NALF1: variants seen among roughly 807,000 people sequenced by gnomAD.
NALF1 encodes the protein NALCN channel auxiliary factor 1.
In NALF1, 3 loss-of-function variants were observed where a neutral mutation model predicts 48.4. The ratio of observed to expected loss-of-function variants is 0.06; its 90% confidence interval spans 0.03 to 0.16. NALF1 has a LOEUF of 0.16. Ranked by LOEUF, NALF1 falls within the 10% of genes least tolerant of loss-of-function variation. The pLI is 1.00. For synonymous variants in NALF1, 262 were observed against 245.7 expected, an observed-to-expected ratio of 1.07 and a Z score of -0.62; for missense variants, 526 against 571.5, an observed-to-expected ratio of 0.92 and a Z score of 0.81.
intron 1 of NALF1, among the ~76,000 whole-genome samples, chr13:107,810,288 C>T (rs2138605845): frequency 6.6e-6 from 1 of 152,170 alleles, no homozygotes; most frequent in East Asian, 1.9e-4. Context: ...TTTTCCTGCC[C>T]TTTTATAATG....
Position 107,412,155 on chromosome 13 carries a change from G to A in NALF1, c.916-201400C>T, listed in dbSNP as rs185475038. On this transcript the variant is annotated intron_variant, in intron 1 of 2. Transcript: ENST00000375915. ...GACACCAGTAGGTCCAAATTTCCAC[G>A]CGCTTAAACAATAGTTTCCCACGTG... Among the ~76,000 whole-genome samples the A allele has an allele frequency of 2.3e-3, 352 of 152,120 alleles. 2 individuals carry two copies. Among genetic ancestry groups the A allele is most frequent in the African/African-American group, 7.9e-3 (326 of 41,492 alleles).
At chr13:107,446,405 TCACACACA>T (rs34962012) in intron 1 of NALF1, among the ~76,000 whole-genome samples, 17 of 146,090 alleles carry the variant, frequency 1.2e-4, no homozygotes, top group Admixed American at 2.7e-4. Flanking sequence ...ATAATTAAAT[TCACACACA>T]CACACACACA....
intron 1 of NALF1, among the ~76,000 whole-genome samples, chr13:107,604,346 T>C (rs1024878397): frequency 1.3e-5 from 2 of 152,188 alleles, no homozygotes; most frequent in Non-Finnish European, 2.9e-5. Context: ...GAATTCAGTC[T>C]TTTTCCCCCT....
At chr13:107,398,720 ATGAC>A (rs1883755159) in intron 1 of NALF1, among the ~76,000 whole-genome samples, 1 of 152,206 alleles carries the variant, frequency 6.6e-6, no homozygotes, top group South Asian at 2.1e-4. Flanking sequence ...ACACAGCACA[ATGAC>A]TGGTAGATAG....
At chr13:107,713,512 T>A (rs954485601) in intron 1 of NALF1, among the ~76,000 whole-genome samples, 2 of 152,236 alleles carry the variant, frequency 1.3e-5, no homozygotes, top group African/African-American at 4.8e-5. Context: ...ACACTGTCAT[T>A]ATCTACATTC....
chr13:107,382,167 T>G (rs1883451903), intron 1 of NALF1, among the ~76,000 whole-genome samples: 1 of 152,242 alleles, frequency 6.6e-6, no homozygotes, highest in Non-Finnish European at 1.5e-5. Flanking sequence ...TTATAACATT[T>G]GCTGCACACA....
chr13:107,511,685 G>A (rs1875895976), intron 1 of NALF1, among the ~76,000 whole-genome samples: 1 of 152,070 alleles, frequency 6.6e-6, no homozygotes, highest in Admixed American at 6.6e-5. Flanking sequence ...AAGGTCTGAT[G>A]CAGCTACTAG....
chr13:107,666,384 T>C (rs1205987477), intron 1 of NALF1, among the ~76,000 whole-genome samples: 7 of 152,262 alleles, frequency 4.6e-5, no homozygotes, highest in Non-Finnish European at 8.8e-5. Context: ...ATCATACTGG[T>C]AAAGCCATGT....
intron 1 of NALF1, among the ~76,000 whole-genome samples, chr13:107,663,860 G>C (rs1390280591): frequency 1.3e-5 from 2 of 151,972 alleles, no homozygotes; most frequent in Admixed American, 1.3e-4. Context: ...CACCACTTCA[G>C]GTACTTTTGC....
chr13:107,693,329 A>AGGGG (rs1483568046), intron 1 of NALF1, among the ~76,000 whole-genome samples: 2 of 67,978 alleles, frequency 2.9e-5, no homozygotes, highest in African/African-American at 1.8e-4. Flanking sequence ...GTCGTAGGGT[A>AGGGG]GGGGGGGCGG....
chr13:107,734,395 T>C (rs1876403044), intron 1 of NALF1, among the ~76,000 whole-genome samples: 1 of 50,728 alleles, frequency 2.0e-5, no homozygotes, highest in Non-Finnish European at 5.6e-5. Context: ...ATGGGTATTT[T>C]TCCTTTAAAA....
chr13:107,498,959 A>C (rs1335092758), intron 1 of NALF1, among the ~76,000 whole-genome samples: 1 of 152,186 alleles, frequency 6.6e-6, no homozygotes, highest in Non-Finnish European at 1.5e-5. Flanking sequence ...TTTAAATGTC[A>C]TTAGGGCTTC....
chr13:107,676,603 TTTAA>T (rs145773865), intron 1 of NALF1, among the ~76,000 whole-genome samples: 72,408 of 145,596 alleles, frequency 0.5, 18,114 homozygotes, highest in Middle Eastern at 0.62. Context: ...ATTAATTTAA[TTTAA>T]TTAATTTAAT....
intron 1 of NALF1, among the ~76,000 whole-genome samples, chr13:107,600,567 G>A (rs1306218389): frequency 1.3e-5 from 2 of 152,048 alleles, no homozygotes; most frequent in African/African-American, 2.4e-5. Context: ...TCCACAAACT[G>A]AGATACTGGC....
intron 2 of NALF1, among the ~76,000 whole-genome samples, chr13:107,206,546 G>A (rs1879647549): frequency 6.6e-6 from 1 of 152,210 alleles, no homozygotes; most frequent in Admixed American, 6.5e-5. Flanking sequence ...TTTAGTAAGT[G>A]TGACCAAAAT....
chr13:107,175,104 T>C (rs949683064), intron 2 of NALF1, among the ~76,000 whole-genome samples: 2 of 135,994 alleles, frequency 1.5e-5, no homozygotes, highest in East Asian at 4.3e-4. Context: ...TTAGCCAGGA[T>C]GTTCTCGATC....
chr13:107,280,308 T>C (rs1372096631), intron 1 of NALF1, among the ~76,000 whole-genome samples: 1 of 152,212 alleles, frequency 6.6e-6, no homozygotes, highest in African/African-American at 2.4e-5. Context: ...GGCTTGTAGT[T>C]TTCTCTCTTT....
At chr13:107,622,146 T>G (rs1879534427) in intron 1 of NALF1, among the ~76,000 whole-genome samples, 1 of 151,562 alleles carries the variant, frequency 6.6e-6, no homozygotes, top group Non-Finnish European at 1.5e-5. Flanking sequence ...CTAAGAATCA[T>G]GGCTGGGTAC....
At chr13:107,677,742 T>C (rs1266983580) in intron 1 of NALF1, among the ~76,000 whole-genome samples, 1 of 152,200 alleles carries the variant, frequency 6.6e-6, no homozygotes, top group Admixed American at 6.5e-5. Context: ...TATTGTTTTT[T>C]CAATCATATT....
Sources: gnomAD v4.1 joint callset for allele counts (sites outside exome capture counted in the v4.1 genomes callset) on GRCh38, gnomAD v4.1.1 for gene constraint, MANE v1.5 for transcripts, NCBI Gene and HGNC (gene_info 2026-07-23, HGNC 2026-07-21) for gene names.